Variants in KDM4C observed in about 807,000 individuals in gnomAD.
The protein encoded by KDM4C is lysine-specific demethylase 4C.
Under a neutral mutation model 129.3 loss-of-function variants are expected in KDM4C, and 81 were observed. The observed-to-expected ratio is 0.63, with a 90% CI of 0.52 to 0.75. The LOEUF is 0.75. Among genes scored for constraint, KDM4C ranks in the 30% least tolerant of loss-of-function variants. The pLI, the probability that KDM4C is intolerant of heterozygous loss-of-function variation, is 0.00. For synonymous variants in KDM4C, 573 were observed against 456.1 expected (o/e 1.26, Z -3.26); for missense variants, 1,457 against 1,304.0 (o/e 1.12, Z -1.81).
rs181404373 is a variant in KDM4C, at chr9:7,077,619, A to G, written c.2425-26066A>G. On this transcript the variant is annotated intron_variant, in intron 17 of 21. Coordinates refer to ENST00000381309, the MANE Select transcript of KDM4C (RefSeq NM_015061.6). ...ACTGCTCAACCATTTTGCTGGCTGTACTGCCTCTGGAATATGGTGGAGTCA... is the reference window on the plus strand; with the variant it reads ...ACTGCTCAACCATTTTGCTGGCTGTGCTGCCTCTGGAATATGGTGGAGTCA... Among the ~76,000 whole-genome samples, 168 of 152,326 alleles carry G rather than the reference A, an allele frequency of 1.1e-3. 1 individual carries two copies. The highest frequency in any genetic ancestry group is 2.8e-3 in the Admixed American group (43 of 15,300).
At chr9:7,168,767 TATATA>T (rs1218512608) in intron 20 of KDM4C, among the ~76,000 whole-genome samples, 1 of 152,104 alleles carries the variant, frequency 6.6e-6, no homozygotes, top group African/African-American at 2.4e-5. Flanking sequence ...GGAGGATTAT[TATATA>T]AGAGTAAACA....
rs1158805468 is a variant in KDM4C at position 6,839,013 on chromosome 9, A to C, written c.436-10494A>C. Among the ~76,000 whole-genome samples the C allele has an allele frequency of 2.0e-5, 3 of 152,120 alleles. No individual in the cohort carries two copies. The South Asian group carries it at 6.2e-4, about 31-fold the overall frequency. On this transcript the variant is annotated intron_variant, in intron 4 of 21. Coordinates refer to ENST00000381309, the MANE Select transcript of KDM4C (RefSeq NM_015061.6). ...TAAAGAACTAACCAAATTTTATGTT[A>C]TTTTTTCTCCATGCGTGTTACCTTT...
chr9:6,896,628 A>C (rs1052453726), intron 8 of KDM4C, among the ~76,000 whole-genome samples: 2 of 151,954 alleles, frequency 1.3e-5, no homozygotes, highest in African/African-American at 2.4e-5. Context: ...CCCAGTAGGG[A>C]CCTTTTGATC....
intron 20 of KDM4C, among the ~76,000 whole-genome samples, chr9:7,166,409 G>T (rs1428910301): frequency 6.6e-6 from 1 of 151,436 alleles, no homozygotes; most frequent in Admixed American, 6.6e-5. Flanking sequence ...AACCTAAGGG[G>T]AATGGATAGG....
At chr9:7,023,742 TC>T (rs1825291506) in intron 15 of KDM4C, among the ~76,000 whole-genome samples, 1 of 152,150 alleles carries the variant, frequency 6.6e-6, no homozygotes. Context: ...TTGAAGTTTT[TC>T]TTCTTTTTTT....
chr9:7,067,496 A>T (rs1832588169), intron 17 of KDM4C, among the ~76,000 whole-genome samples: 1 of 152,188 alleles, frequency 6.6e-6, no homozygotes. Context: ...CTCAGAGTTT[A>T]GGTTATCAGC....
chr9:6,919,537 GTCTGTCTGTCTA>G (rs79972750), intron 8 of KDM4C, among the ~76,000 whole-genome samples: 19,198 of 94,134 alleles, frequency 0.2, 1,474 homozygotes, highest in Middle Eastern at 0.27. Context: ...TCATCTGTCT[GTCTGTCTGTCTA>G]TCTATCTATC....
chr9:6,739,927 G>T (rs1175417442), intron 1 of KDM4C, among the ~76,000 whole-genome samples: 3 of 152,116 alleles, frequency 2.0e-5, no homozygotes, highest in Non-Finnish European at 2.9e-5. Context: ...GTCTCACTCT[G>T]TTGCCAGGCT....
intron 5 of KDM4C, among the ~76,000 whole-genome samples, chr9:6,870,751 G>C (rs1842719018): frequency 6.6e-6 from 1 of 152,024 alleles, no homozygotes; most frequent in South Asian, 2.1e-4. Context: ...CTTCACAGGG[G>C]ATGATTGTGA....
rs79347921 is a variant in KDM4C at position 7,173,088 on chromosome 9, T to G, written c.2995-1465T>G. On this transcript the variant is annotated intron_variant, in intron 21 of 21. Coordinates refer to ENST00000381309, the MANE Select transcript of KDM4C (RefSeq NM_015061.6). ...TTGCTGTGGGGAACACATGTAAAAT[T>G]GGGTACACAGTCCCTAATATCCTCA... Among the ~76,000 whole-genome samples, 666 of 152,344 alleles carry G rather than the reference T, an allele frequency of 4.4e-3. 8 individuals carry two copies. The highest frequency in any genetic ancestry group is 0.016 in the African/African-American group (646 of 41,580).
At position 6,984,270 on chromosome 9, in the gene KDM4C, C is replaced by G. The variant is rs767149247; in HGVS notation, c.1220C>G (p.Thr407Arg). 6 of 1,613,824 alleles carry G rather than the reference C, an allele frequency of 3.7e-6. No homozygotes were observed. The highest frequency in any genetic ancestry group is 5.1e-6 in the Non-Finnish European group (6 of 1,179,838). ...GAGGTCCCTAACCCCGACTCAGTCACAGATGACCTCAAGGTCAGTGAAAAG... is the reference window on the plus strand; with the variant it reads ...GAGGTCCCTAACCCCGACTCAGTCAGAGATGACCTCAAGGTCAGTGAAAAG... ...GAEVPNPDSV[T>R]DDLKVSEKSE... The change falls in exon 10 of 22, where the codon ACA becomes AGA. Residue 407 changes from threonine to arginine, a missense_variant. Physicochemically the swap from Thr to Arg is moderately conservative, Grantham distance 71. Transcript: ENST00000381309.
chr9:6,980,845 A>G (rs781653846), intron 8 of KDM4C, 80 bp from the exon 9 acceptor site: 36 of 1,182,544 alleles, frequency 3.0e-5, no homozygotes, highest in Non-Finnish European at 4.3e-5. Flanking sequence ...GTATTCATGG[A>G]TGATGTGTTC....
chr9:7,052,894 A>AGAGAGAGCGAGC (rs1830373423), intron 17 of KDM4C, among the ~76,000 whole-genome samples: 2 of 105,468 alleles, frequency 1.9e-5, no homozygotes, highest in African/African-American at 7.0e-5. Context: ...AGAGAGAGAG[A>AGAGAGAGCGAGC]GAGAGAGCGA....
At chr9:6,922,733 C>T (rs960747610) in intron 8 of KDM4C, among the ~76,000 whole-genome samples, 1 of 152,246 alleles carries the variant, frequency 6.6e-6, no homozygotes, top group African/African-American at 2.4e-5. Context: ...GGTGGCGGAG[C>T]CAGACCCTGT....
intron 5 of KDM4C, among the ~76,000 whole-genome samples, chr9:6,863,181 T>A (rs1841279409): frequency 6.9e-6 from 1 of 144,930 alleles, no homozygotes; most frequent in East Asian, 2.3e-4. Context: ...CCCCACCCCA[T>A]GTTTTGATTT....
At chr9:6,922,315 A>G (rs1821678172) in intron 8 of KDM4C, among the ~76,000 whole-genome samples, 1 of 152,370 alleles carries the variant, frequency 6.6e-6, no homozygotes, top group African/African-American at 2.4e-5. Flanking sequence ...GCATGTGCAT[A>G]GTACTATCAT....
intron 3 of KDM4C, among the ~76,000 whole-genome samples, chr9:6,806,198 A>G (rs1203344331): frequency 1.3e-5 from 2 of 152,174 alleles, no homozygotes; most frequent in Admixed American, 1.3e-4. Context: ...GCTGTGTAAC[A>G]AATTATCCCA....
At chr9:6,861,134 C>G (rs1007366791) in intron 5 of KDM4C, among the ~76,000 whole-genome samples, 11 of 152,196 alleles carry the variant, frequency 7.2e-5, no homozygotes, top group African/African-American at 2.7e-4. Flanking sequence ...TTGGTCACTA[C>G]TTGAACCAAC....
intron 8 of KDM4C, among the ~76,000 whole-genome samples, chr9:6,977,780 G>A (rs1279882361): frequency 6.6e-6 from 1 of 152,114 alleles, no homozygotes; most frequent in Non-Finnish European, 1.5e-5. Flanking sequence ...CACCTCTCCT[G>A]TGACAATGGC....
Sources: allele counts gnomAD v4.1 joint callset (sites outside exome capture counted in the v4.1 genomes callset), GRCh38; gene constraint gnomAD v4.1.1; transcripts MANE v1.5; gene names NCBI Gene and HGNC (gene_info 2026-07-23, HGNC 2026-07-21).